The following CDC42SE2 variants were observed in gnomAD, a reference collection of about 807,000 sequenced individuals.
CDC42SE2 encodes the protein CDC42 small effector protein 2.
CDC42SE2 carries 3 observed loss-of-function variants against 11.5 expected under a neutral mutation model. The observed-to-expected ratio is 0.26, with a 90% CI of 0.12 to 0.67. The LOEUF is 0.67. Among genes scored for constraint, CDC42SE2 ranks in the 30% least tolerant of loss-of-function variants. The pLI is 0.80. For synonymous variants in CDC42SE2, 33 were observed against 34.8 expected (o/e 0.95, Z 0.18); for missense variants, 82 against 106.8 (o/e 0.77, Z 1.02).
chr5:131,262,955 AT>A (rs10708076), upstream of CDC42SE2, among the ~76,000 whole-genome samples: 65,423 of 147,140 alleles, frequency 0.44, 18,451 homozygotes, highest in African/African-American at 0.82. Flanking sequence ...AAGATGGAGA[AT>A]TTTTTTTTTT....
the CDC42SE2 span, among the ~76,000 whole-genome samples, chr5:131,225,039 T>A: frequency 1.3e-5 from 2 of 151,966 alleles, no homozygotes; most frequent in Non-Finnish European, 2.9e-5. Flanking sequence ...GGGTAAGCAG[T>A]GGCCGCCGTG....
At chr5:131,369,563 C>G (rs1749958507) in intron 3 of CDC42SE2, among the ~76,000 whole-genome samples, 1 of 152,160 alleles carries the variant, frequency 6.6e-6, no homozygotes, top group East Asian at 1.9e-4. Flanking sequence ...TGTGCCATAT[C>G]CTCTTCAACA....
At chr5:131,333,983 A>G (rs1251186619) in intron 2 of CDC42SE2, among the ~76,000 whole-genome samples, 3 of 152,190 alleles carry the variant, frequency 2.0e-5, no homozygotes, top group Admixed American at 6.5e-5. Flanking sequence ...TGCCCTTGCC[A>G]GAACTTCCAA....
chr5:131,257,110 A>T (rs2149685037), intron 2 of CDC42SE2, among the ~76,000 whole-genome samples: 1 of 152,290 alleles, frequency 6.6e-6, no homozygotes, highest in East Asian at 1.9e-4. Flanking sequence ...TACCCAGCCC[A>T]GCTAGTGGTG....
At chr5:131,301,386 T>C (rs761008480) in intron 1 of CDC42SE2, among the ~76,000 whole-genome samples, 3 of 152,138 alleles carry the variant, frequency 2.0e-5, no homozygotes, top group Non-Finnish European at 4.4e-5. Flanking sequence ...GGTATGCCAA[T>C]TACCCCGACC....
the CDC42SE2 span, among the ~76,000 whole-genome samples, chr5:131,227,251 A>G: frequency 1.3e-5 from 2 of 152,194 alleles, no homozygotes; most frequent in Non-Finnish European, 2.9e-5. Context: ...TGGGAGACAG[A>G]GTAAAACCCT....
At position 131,254,542 on chromosome 5, in the gene CDC42SE2, G is replaced by GA. The variant is rs80219806; in HGVS notation, n.108-541dup. ...AGGCAACAGAGTGAGACTCCATCTCGAAAAAAAAAAAAGAGAGACAGAAAG... is the reference window on the plus strand; with the variant it reads ...AGGCAACAGAGTGAGACTCCATCTCGAAAAAAAAAAAAAGAGAGACAGAAAG... On this transcript the variant is annotated intron_variant and non_coding_transcript_variant, in intron 1 of 3. Coordinates refer to the CDC42SE2 transcript ENST00000502840. Among the ~76,000 whole-genome samples, 895 of 128,558 alleles carry GA rather than the reference G, an allele frequency of 7.0e-3. 15 individuals are homozygous for GA. Among genetic ancestry groups the GA allele is most frequent in the African/African-American group, 0.023 (800 of 34,816 alleles). 84.3% of individuals were successfully genotyped at this position (128,558 alleles called of 152,430 possible). A position where few individuals can be genotyped will look rare whatever the true frequency, so the allele number is the denominator to read the frequency against.
At chr5:131,314,850 T>C (rs1758007044) in intron 1 of CDC42SE2, among the ~76,000 whole-genome samples, 1 of 152,234 alleles carries the variant, frequency 6.6e-6, no homozygotes, top group East Asian at 1.9e-4. Context: ...ACCAGTATTC[T>C]TCATAATATG....
chr5:131,345,025 A>G (rs1002836562), intron 2 of CDC42SE2, among the ~76,000 whole-genome samples: 1 of 152,346 alleles, frequency 6.6e-6, no homozygotes, highest in African/African-American at 2.4e-5. Context: ...CCAAAGGTAG[A>G]TAAAACCACA....
At chr5:131,275,789 C>T (rs1000948469) in intron 1 of CDC42SE2, among the ~76,000 whole-genome samples, 4 of 151,692 alleles carry the variant, frequency 2.6e-5, no homozygotes, top group African/African-American at 7.3e-5. Context: ...ATAGAAGTCT[C>T]ACAGTTTTAG....
At chr5:131,368,245 T>G (rs1220494115) in intron 3 of CDC42SE2, among the ~76,000 whole-genome samples, 2 of 110,034 alleles carry the variant, frequency 1.8e-5, no homozygotes, top group East Asian at 2.6e-4. Context: ...AGAGTGAGAC[T>G]CCATCTCAAA....
At chr5:131,382,802 A>G (rs1750363228) in intron 3 of CDC42SE2, among the ~76,000 whole-genome samples, 1 of 152,144 alleles carries the variant, frequency 6.6e-6, no homozygotes, top group Non-Finnish European at 1.5e-5. Context: ...AAATCCCAAT[A>G]ATTTGTCCTG....
the CDC42SE2 span, among the ~76,000 whole-genome samples, chr5:131,218,244 A>G: frequency 2.8e-3 from 420 of 152,086 alleles, no homozygotes; most frequent in Non-Finnish European, 3.9e-3. Context: ...ACTTGAGTAG[A>G]CACCTCACAG....
In CDC42SE2 at chr5:131,336,008, G is replaced by A. The variant is rs568979807; in HGVS notation, c.-286+19864G>A. ...TGTTACGTGTGAGTTTGATCCTGTC[G>A]TTATGATGTTAGCTGGTTATTTTGC... On this transcript the variant is annotated intron_variant, in intron 2 of 4. Transcript: ENST00000505065. 4.0e-3 allele frequency among the ~76,000 whole-genome samples: 607 copies of A among 152,160 alleles called. 2 individuals carry two copies. The highest frequency in any genetic ancestry group is 6.0e-3 in the Non-Finnish European group (405 of 67,990).
At chr5:131,348,658 A>G (rs2149760320) in intron 2 of CDC42SE2, among the ~76,000 whole-genome samples, 1 of 152,290 alleles carries the variant, frequency 6.6e-6, no homozygotes, top group East Asian at 1.9e-4. Flanking sequence ...GTTCATATGG[A>G]ACCGAAAAAG....
chr5:131,325,855 C>T (rs1014146367), intron 2 of CDC42SE2, among the ~76,000 whole-genome samples: 1 of 152,104 alleles, frequency 6.6e-6, no homozygotes, highest in African/African-American at 2.4e-5. Flanking sequence ...ACTGCTTCTT[C>T]TATTGTATTT....
Position 131,265,457 on chromosome 5 carries a change from G to A in CDC42SE2, c.-455+1291G>A, listed in dbSNP as rs537985513. ...AGGGAGAACTCTAAATTTAGGGGGGGAAAAGCTAATGTTGCACTAATATAA... is the reference window on the plus strand; with the variant it reads ...AGGGAGAACTCTAAATTTAGGGGGGAAAAAGCTAATGTTGCACTAATATAA... On this transcript the variant is annotated intron_variant, in intron 1 of 4. Coordinates refer to ENST00000505065, the MANE Select transcript of CDC42SE2 (RefSeq NM_001375635.1). Among the ~76,000 whole-genome samples, 47 of 152,220 alleles carry A rather than the reference G, an allele frequency of 3.1e-4. 1 individual carries two copies. The South Asian group carries it at 9.1e-3, about 30-fold the overall frequency.
Position 131,252,108 on chromosome 5 carries a change from G to GGAAGGAAT in CDC42SE2, n.108-2984_108-2983insGGAATGAA, listed in dbSNP as rs1554093503. On this transcript the variant is annotated intron_variant and non_coding_transcript_variant, in intron 1 of 3. Coordinates refer to the CDC42SE2 transcript ENST00000502840. ...AGGAAGGAAGGAAGGAAGGAAGGAA[G>GGAAGGAAT]GAATCATGTAGGTACTATAATTTCA... 3.7e-4 allele frequency among the ~76,000 whole-genome samples: 55 copies of GGAAGGAAT among 150,170 alleles called. No homozygotes were observed. The South Asian group carries it at 7.3e-3, about 20-fold the overall frequency.
At chr5:131,291,397 G>T (rs1161531409) in intron 1 of CDC42SE2, among the ~76,000 whole-genome samples, 1 of 152,112 alleles carries the variant, frequency 6.6e-6, no homozygotes, top group African/African-American at 2.4e-5. Flanking sequence ...TATTGCTTTA[G>T]AAGCTCACCA....
Sources: allele counts gnomAD v4.1 joint callset (sites outside exome capture counted in the v4.1 genomes callset), GRCh38; gene constraint gnomAD v4.1.1; transcripts MANE v1.5; gene names NCBI Gene and HGNC (gene_info 2026-07-23, HGNC 2026-07-21).